DOCK4: variants seen among roughly 807,000 people sequenced by gnomAD.
DOCK4 encodes the protein dedicator of cytokinesis 4, also known as dedicator of cytokinesis protein 4.
A neutral mutation model predicts 268.1 loss-of-function variants in DOCK4; 97 were observed. That is an observed-to-expected ratio of 0.36 (90% CI 0.31 to 0.43). DOCK4 has a LOEUF of 0.43. Among genes scored for constraint, DOCK4 ranks in the 20% least tolerant of loss-of-function variants. The pLI, the probability that DOCK4 is intolerant of heterozygous loss-of-function variation, is 1.00. For missense variants in DOCK4, 2,145 were observed against 2,455.7 expected, an observed-to-expected ratio of 0.87 and a Z score of 2.67; for synonymous variants, 954 against 887.2, an observed-to-expected ratio of 1.08 and a Z score of -1.34.
chr7:111,752,783 T>C (rs1796758176), intron 42 of DOCK4, among the ~76,000 whole-genome samples: 1 of 151,944 alleles, frequency 6.6e-6, no homozygotes, highest in African/African-American at 2.4e-5. Flanking sequence ...AGACGGGGTT[T>C]CACCATGTTG....
chr7:112,144,057 G>A (rs57866469), intron 1 of DOCK4, among the ~76,000 whole-genome samples: 41,048 of 151,964 alleles, frequency 0.27, 6,481 homozygotes, highest in East Asian at 0.47. Flanking sequence ...TCACAATTTA[G>A]GGATGCTACA....
chr7:112,061,739 TCA>T (rs61696712), intron 1 of DOCK4, among the ~76,000 whole-genome samples: 22,668 of 136,948 alleles, frequency 0.17, 1,765 homozygotes, highest in South Asian at 0.25. Flanking sequence ...ATTAACAATG[TCA>T]CACACACACA....
chr7:112,028,350 A>C (rs754344796), intron 1 of DOCK4, among the ~76,000 whole-genome samples: 7 of 152,218 alleles, frequency 4.6e-5, no homozygotes, highest in Admixed American at 2.6e-4. Flanking sequence ...TACTCTGAGA[A>C]TACATATTCT....
intron 8 of DOCK4, among the ~76,000 whole-genome samples, chr7:111,964,886 G>A (rs1797261547): frequency 8.1e-6 from 1 of 123,766 alleles, no homozygotes. Flanking sequence ...CCAGAAGAGA[G>A]TGGGGGCCAA....
chr7:112,190,419 A>C (rs1819847300), intron 1 of DOCK4, among the ~76,000 whole-genome samples: 1 of 152,170 alleles, frequency 6.6e-6, no homozygotes, highest in Non-Finnish European at 1.5e-5. Context: ...ACTCTCAAAG[A>C]ACAGACATTG....
At chr7:112,058,962 C>A (rs1057272311) in intron 1 of DOCK4, among the ~76,000 whole-genome samples, 1 of 152,068 alleles carries the variant, frequency 6.6e-6, no homozygotes, top group African/African-American at 2.4e-5. Context: ...AGATTAAACT[C>A]AACTCTAAGG....
chr7:112,008,479 A>C (rs1034185820), intron 1 of DOCK4, among the ~76,000 whole-genome samples: 2 of 152,240 alleles, frequency 1.3e-5, no homozygotes, highest in Non-Finnish European at 2.9e-5. Context: ...TTAAGAATTA[A>C]ATAGCCGTGA....
At chr7:111,750,983 G>A (rs1796600095) in intron 42 of DOCK4, among the ~76,000 whole-genome samples, 1 of 152,062 alleles carries the variant, frequency 6.6e-6, no homozygotes, top group African/African-American at 2.4e-5. Flanking sequence ...TTTAGTGAGA[G>A]GACATTTCTC....
chr7:112,130,409 A>G (rs144715880), intron 1 of DOCK4, among the ~76,000 whole-genome samples: 211 of 152,302 alleles, frequency 1.4e-3, no homozygotes, highest in African/African-American at 4.7e-3. Flanking sequence ...AGATGCCTAC[A>G]TTATATTTCT....
intron 23 of DOCK4, among the ~76,000 whole-genome samples, chr7:111,854,618 G>A (rs995819192): frequency 1.3e-5 from 2 of 152,174 alleles, no homozygotes; most frequent in African/African-American, 4.8e-5. Context: ...CTGACCTCAG[G>A]TGATCCACCT....
At chr7:111,802,537 T>C (rs1360959246) in intron 30 of DOCK4, among the ~76,000 whole-genome samples, 1 of 152,202 alleles carries the variant, frequency 6.6e-6, no homozygotes, top group East Asian at 1.9e-4. Flanking sequence ...CCAGCCGGAA[T>C]AGTTCTCCCA....
chr7:112,095,266 C>T (rs1810018019), intron 1 of DOCK4, among the ~76,000 whole-genome samples: 1 of 151,988 alleles, frequency 6.6e-6, no homozygotes, highest in Non-Finnish European at 1.5e-5. Flanking sequence ...CTGAGGAACA[C>T]ATAAAGACTT....
intron 32 of DOCK4, among the ~76,000 whole-genome samples, chr7:111,785,231 G>A (rs1041757608): frequency 1.3e-5 from 2 of 152,110 alleles, no homozygotes; most frequent in Non-Finnish European, 2.9e-5. Flanking sequence ...TGCAAGCGAA[G>A]GTCCCCTAGT....
At chr7:111,877,527 C>T (rs1437305588) in intron 16 of DOCK4, among the ~76,000 whole-genome samples, 1 of 152,048 alleles carries the variant, frequency 6.6e-6, no homozygotes, top group East Asian at 1.9e-4. Flanking sequence ...TAACACAGTC[C>T]TGATACCTTG....
chr7:111,747,819 G>T (rs570996237), intron 42 of DOCK4, among the ~76,000 whole-genome samples: 89 of 151,948 alleles, frequency 5.9e-4, no homozygotes, highest in Admixed American at 4.5e-3. Flanking sequence ...CCTTTCTCAT[G>T]CTTATTTGAT....
intron 1 of DOCK4, among the ~76,000 whole-genome samples, chr7:112,034,356 G>T (rs750770239): frequency 6.6e-6 from 1 of 152,154 alleles, no homozygotes; most frequent in Non-Finnish European, 1.5e-5. Flanking sequence ...TCTGAATCTG[G>T]CCCGTGTCCT....
In DOCK4 at chr7:111,915,703, T is replaced by C. The variant is rs1447589795; in HGVS notation, c.1192+76A>G. 23 of 1,524,982 alleles carry C rather than the reference T, an allele frequency of 1.5e-5. No individual in the cohort carries two copies. The East Asian group carries it at 5.1e-4, about 34-fold the overall frequency. 94.5% of individuals were successfully genotyped at this position (1,524,982 alleles called of 1,614,324 possible). A position where few individuals can be genotyped will look rare whatever the true frequency, so the allele number is the denominator to read the frequency against. ...ATGTGAATGCTTCAAAGCTGGCAAT[T>C]TGAAAAATTTCTCAAACATCAAAAA... On this transcript the variant is annotated intron_variant, in intron 13 of 52. Transcript: ENST00000428084.
At chr7:111,813,679 C>T (rs930005091) in intron 27 of DOCK4, among the ~76,000 whole-genome samples, 1 of 152,264 alleles carries the variant, frequency 6.6e-6, no homozygotes, top group African/African-American at 2.4e-5. Context: ...CCCTAAATGG[C>T]AGATATCATC....
At chr7:111,810,681 C>T (rs2133906825) in intron 28 of DOCK4, among the ~76,000 whole-genome samples, 1 of 152,014 alleles carries the variant, frequency 6.6e-6, no homozygotes, top group East Asian at 1.9e-4. Context: ...TCAACAATTC[C>T]ACTAATAAAT....
Sources: allele counts gnomAD v4.1 joint callset (sites outside exome capture counted in the v4.1 genomes callset), GRCh38; gene constraint gnomAD v4.1.1; transcripts MANE v1.5; gene names NCBI Gene and HGNC (gene_info 2026-07-23, HGNC 2026-07-21).